The following KIF3C variants were observed in gnomAD, a reference collection of about 807,000 sequenced individuals.
KIF3C encodes the protein kinesin family member 3C.
KIF3C carries 12 observed loss-of-function variants against 67.7 expected under a neutral mutation model. The observed-to-expected ratio is 0.18, with a 90% confidence interval of 0.11 to 0.29. KIF3C has a LOEUF of 0.29. KIF3C is among the 10% of genes least tolerant of loss of function. KIF3C has a pLI of 1.00. For synonymous variants in KIF3C, 393 were observed against 426.2 expected (o/e 0.92, Z 0.96); for missense variants, 789 against 1,059.6 (o/e 0.74, Z 3.55).
intron 5 of KIF3C, among the ~76,000 whole-genome samples, chr2:25,930,830 T>A (rs2149220898): frequency 6.6e-6 from 1 of 152,170 alleles, no homozygotes; most frequent in South Asian, 2.1e-4. Context: ...TGAGCCACCG[T>A]GCCTGGCCTA....
At chr2:25,946,746 C>T (rs181248578) in intron 5 of KIF3C, among the ~76,000 whole-genome samples, 5 of 151,904 alleles carry the variant, frequency 3.3e-5, no homozygotes, top group Admixed American at 6.6e-5. Flanking sequence ...CCTAGCTACT[C>T]GGGAGGCTGA....
intron 5 of KIF3C, among the ~76,000 whole-genome samples, chr2:25,950,210 T>C (rs1663560131): frequency 6.7e-6 from 1 of 148,672 alleles, no homozygotes; most frequent in Admixed American, 6.7e-5. Flanking sequence ...GAAAGACCTT[T>C]TCTTTTCTTT....
intron 1 of KIF3C, among the ~76,000 whole-genome samples, chr2:25,963,247 C>T (rs1191973857): frequency 1.2e-4 from 15 of 124,408 alleles, no homozygotes; most frequent in African/African-American, 3.8e-4. Context: ...ACTCTGTCAC[C>T]CAGGCTGGAG....
chr2:25,956,274 G>T, intron 2 of KIF3C, 69 bp downstream of exon 2: 2 of 1,175,554 alleles, frequency 1.7e-6, no homozygotes, highest in Non-Finnish European at 1.3e-6. Flanking sequence ...ATGGTTTACG[G>T]CCCTGCACCT....
chr2:25,980,655 G>A lies in KIF3C; in HGVS notation c.1263C>T (p.Tyr421=). 1.2e-6 allele frequency: 2 copies of A among 1,613,996 alleles called. No homozygotes were observed. The highest frequency in any genetic ancestry group is 1.1e-5 in the South Asian group (1 of 91,080). The stretch of plus-strand genomic sequence containing the variant: ...AGGCCTCAATCACTGGGCCCTCAGG[G>A]TACCCAGGCGGGGCGGACACGGCCT... ...RKKAVSAPPG[Y]PEGPVIEAWV... is the part of the protein sequence containing the mutation. The change falls in exon 1 of 8, where the codon TAC becomes TAT. Residue 421 remains tyrosine (Y), a synonymous_variant. Coordinates refer to ENST00000264712, the MANE Select transcript of KIF3C (RefSeq NM_002254.8). The surrounding 1 kb of genome is among the most constrained non-coding windows in gnomAD (Gnocchi z 7.6).
intron 5 of KIF3C, chr2:25,938,209 A>G: frequency 2.4e-6 from 1 of 420,460 alleles, no homozygotes; most frequent in Non-Finnish European, 4.7e-6. Context: ...CCAAAAATAC[A>G]AAAATTAGCT....
At position 25,981,810 on chromosome 2, in the gene KIF3C, G is replaced by A. The variant is rs370540426; in HGVS notation, c.108C>T (p.Asp36=). 4.3e-6 allele frequency: 7 copies of A among 1,613,212 alleles called. No individual in the cohort carries two copies. In the African/African-American group the frequency reaches 6.7e-5, roughly 15 times the overall value. ...GCAGGGTCACCTGGCCCAGTTTCACGTCCATGGTCAGGATCTGCTCGTGAC... is the reference window on the plus strand; with the variant it reads ...GCAGGGTCACCTGGCCCAGTTTCACATCCATGGTCAGGATCTGCTCGTGAC... ...AAGHEQILTM[D]VKLGQVTLRN... The change falls in exon 1 of 8, where the codon GAC becomes GAT. Residue 36 remains aspartate (D), a synonymous_variant. Coordinates refer to ENST00000264712, the MANE Select transcript of KIF3C (RefSeq NM_002254.8). The surrounding 1 kb of genome is among the most constrained non-coding windows in gnomAD (Gnocchi z 8.2).
At chr2:25,947,439 G>A (rs943570587) in intron 5 of KIF3C, among the ~76,000 whole-genome samples, 2 of 150,850 alleles carry the variant, frequency 1.3e-5, no homozygotes, top group Admixed American at 6.6e-5. Flanking sequence ...AAATTAGCCG[G>A]GTGTGGTGGC....
chr2:25,932,648 C>T (rs969162837), intron 5 of KIF3C, among the ~76,000 whole-genome samples: 1 of 150,516 alleles, frequency 6.6e-6, no homozygotes, highest in Non-Finnish European at 1.5e-5. Context: ...GCCTGGCCAA[C>T]ATGGTGAAAC....
At chr2:25,974,083 T>C (rs1664349484) in intron 1 of KIF3C, among the ~76,000 whole-genome samples, 1 of 152,210 alleles carries the variant, frequency 6.6e-6, no homozygotes. Flanking sequence ...TCTTTTTTTC[T>C]TTTTTGAGAC....
intron 1 of KIF3C, among the ~76,000 whole-genome samples, chr2:25,975,819 G>A (rs1191387230): frequency 1.3e-5 from 2 of 152,010 alleles, no homozygotes; most frequent in African/African-American, 2.4e-5. Flanking sequence ...TAAGCCGGGC[G>A]TGGTGGTGGG....
intron 1 of KIF3C, among the ~76,000 whole-genome samples, chr2:25,969,996 G>A (rs140229442): frequency 2.6e-5 from 4 of 152,344 alleles, no homozygotes; most frequent in South Asian, 2.1e-4. Flanking sequence ...GATTACAGGC[G>A]TGAGCCACTG....
At chr2:25,964,607 C>T (rs1223217701) in intron 1 of KIF3C, among the ~76,000 whole-genome samples, 2 of 152,186 alleles carry the variant, frequency 1.3e-5, no homozygotes, top group Non-Finnish European at 2.9e-5. Flanking sequence ...GCTGGAACTA[C>T]AGGCATGTGC....
intron 5 of KIF3C, among the ~76,000 whole-genome samples, chr2:25,943,322 G>C (rs541804759): frequency 2.0e-5 from 3 of 152,210 alleles, no homozygotes; most frequent in Non-Finnish European, 4.4e-5. Context: ...CCTTGTTCAA[G>C]GACCTCCCTG....
intron 1 of KIF3C, among the ~76,000 whole-genome samples, chr2:25,968,846 C>CA (rs1664207812): frequency 6.7e-6 from 1 of 150,042 alleles, no homozygotes; most frequent in Non-Finnish European, 1.5e-5. Flanking sequence ...TTTTTTGAGA[C>CA]AGAGTCTTGC....
intron 1 of KIF3C, among the ~76,000 whole-genome samples, chr2:25,967,842 CAAAA>C (rs886254017): frequency 6.6e-6 from 1 of 151,976 alleles, no homozygotes; most frequent in Non-Finnish European, 1.5e-5. Flanking sequence ...CAAAACAAAA[CAAAA>C]AACAGAAACA....
chr2:25,928,791 T>C lies in KIF3C; in HGVS notation c.*187A>G, dbSNP rs2090432371. The C allele has an allele frequency of 1.8e-6, 1 of 563,962 alleles. No homozygotes were observed. Among genetic ancestry groups the C allele is most frequent in the Admixed American group, 3.2e-5 (1 of 31,564 alleles). 34.9% of individuals were successfully genotyped at this position (563,962 alleles called of 1,614,324 possible). A position where few individuals can be genotyped will look rare whatever the true frequency, so the allele number is the denominator to read the frequency against. On this transcript the variant is annotated 3_prime_UTR_variant, in exon 8 of 8. Coordinates refer to ENST00000264712, the MANE Select transcript of KIF3C (RefSeq NM_002254.8). ...ACACGAACAGAGCTCCGCGAATAAA[T>C]AACATGAATTAAATAAAGGAGGCGA... is the stretch of plus-strand genomic sequence containing the variant.
chr2:25,971,027 C>A (rs1664269934), intron 1 of KIF3C, among the ~76,000 whole-genome samples: 1 of 149,768 alleles, frequency 6.7e-6, no homozygotes. Flanking sequence ...AATCCCAGCA[C>A]TTTGGGAGGC....
chr2:25,967,266 T>A (rs545754515), intron 1 of KIF3C, among the ~76,000 whole-genome samples: 1 of 152,170 alleles, frequency 6.6e-6, no homozygotes, highest in South Asian at 2.1e-4. Flanking sequence ...AGGGAGGTTG[T>A]CAGGATCCCT....
Sources: allele counts gnomAD v4.1 joint callset (sites outside exome capture counted in the v4.1 genomes callset), GRCh38; gene constraint gnomAD v4.1.1; non-coding constraint Gnocchi (gnomAD v3.1); transcripts MANE v1.5; gene names NCBI Gene and HGNC (gene_info 2026-07-23, HGNC 2026-07-21).